CYP46A1: variants seen among roughly 807,000 people sequenced by gnomAD.
CYP46A1 encodes cytochrome P450 family 46 subfamily A member 1.
In CYP46A1, 20 loss-of-function variants were observed where a neutral mutation model predicts 63.3. That is an observed-to-expected ratio of 0.32 (90% confidence interval 0.22 to 0.46). The LOEUF is 0.46. Ranked by LOEUF, CYP46A1 falls within the 20% of genes least tolerant of loss-of-function variation. The pLI, the probability that CYP46A1 is intolerant of heterozygous loss-of-function variation, is 1.00. For synonymous variants in CYP46A1, 268 were observed against 273.6 expected (o/e 0.98, Z 0.20); for missense variants, 445 against 670.8 (o/e 0.66, Z 3.72).
intron 4 of CYP46A1, 46 bp from the exon 5 acceptor site, chr14:99,699,969 C>A (rs749966702): frequency 9.2e-6 from 4 of 435,244 alleles, no homozygotes; most frequent in Admixed American, 3.3e-5. Flanking sequence ...GCAGTCGCTC[C>A]CCACCCCCCA....
At chr14:99,700,690 G>A (rs750916468) in intron 5 of CYP46A1, among the ~76,000 whole-genome samples, 3 of 152,342 alleles carry the variant, frequency 2.0e-5, no homozygotes, top group East Asian at 1.9e-4. Flanking sequence ...TGGACAGTAC[G>A]TAATATTGAT....
intron 3 of CYP46A1, among the ~76,000 whole-genome samples, chr14:99,695,177 T>C (rs1045509087): frequency 6.6e-6 from 1 of 152,242 alleles, no homozygotes; most frequent in African/African-American, 2.4e-5. Context: ...TTCAGTCCTT[T>C]TAAATTAATT....
At chr14:99,697,374 C>A (rs751739865) in intron 3 of CYP46A1, among the ~76,000 whole-genome samples, 1 of 152,172 alleles carries the variant, frequency 6.6e-6, no homozygotes, top group Non-Finnish European at 1.5e-5. Flanking sequence ...CTCCCTGGTA[C>A]TTTGTCCTAC....
chr14:99,696,076 A>G (rs1321037507), intron 3 of CYP46A1, among the ~76,000 whole-genome samples: 1 of 152,150 alleles, frequency 6.6e-6, no homozygotes, highest in Non-Finnish European at 1.5e-5. Flanking sequence ...CAGTCTGACA[A>G]TCTCTGCCTT....
chr14:99,721,843 G>T, intron 11 of CYP46A1, 113 bp from the exon 12 acceptor site: 3 of 769,378 alleles, frequency 3.9e-6, no homozygotes, highest in Non-Finnish European at 6.6e-6. Flanking sequence ...CAGGGTGAGG[G>T]TATGCACTCA....
chr14:99,709,693 C>T (rs2056712112), intron 7 of CYP46A1: 2 of 152,102 alleles, frequency 1.3e-5, no homozygotes, highest in Non-Finnish European at 2.9e-5. Flanking sequence ...ATATAGAGAT[C>T]CAGGTATAGT....
chr14:99,710,088 G>C (rs2056716027), intron 7 of CYP46A1: 5 of 152,156 alleles, frequency 3.3e-5, no homozygotes, highest in Admixed American at 3.3e-4. Context: ...AGGGAATTCT[G>C]CATCTGGAAG....
At chr14:99,697,540 T>C (rs2056596865) in intron 3 of CYP46A1, among the ~76,000 whole-genome samples, 1 of 152,210 alleles carries the variant, frequency 6.6e-6, no homozygotes, top group Non-Finnish European at 1.5e-5. Context: ...AGGTCTCACA[T>C]TTTTCCCCTC....
chr14:99,724,622 T>TG lies in CYP46A1; in HGVS notation c.1177-763dup, dbSNP rs77306439. On this transcript the variant is annotated intron_variant, in intron 12 of 14. Coordinates refer to ENST00000261835, the MANE Select transcript of CYP46A1 (RefSeq NM_006668.2). ...GGCCTTCGGCTTCCTCTTTGTTAGGTGGGGGGAGTGGTGAGCATCAGTAGG... is the reference window on the plus strand; with the variant it reads ...GGCCTTCGGCTTCCTCTTTGTTAGGTGGGGGGGAGTGGTGAGCATCAGTAGG... 7.7e-3 allele frequency among the ~76,000 whole-genome samples: 1,171 copies of TG among 152,132 alleles called. 92 individuals are homozygous for TG. In the East Asian group the frequency reaches 0.18, roughly 24 times the overall value.
chr14:99,693,460 T>G (rs1180903209), intron 3 of CYP46A1, among the ~76,000 whole-genome samples: 1 of 152,252 alleles, frequency 6.6e-6, no homozygotes, highest in South Asian at 2.1e-4. Context: ...TTGATTGATA[T>G]TCAAATGTTA....
intron 14 of CYP46A1, 37 bp from the exon 15 acceptor site, chr14:99,726,520 T>C: frequency 1.3e-6 from 2 of 1,515,168 alleles, no homozygotes; most frequent in Non-Finnish European, 1.8e-6. Context: ...CTGTCTTTGC[T>C]CCTTCATTCC....
In CYP46A1 at chr14:99,721,249, G is replaced by A; in HGVS notation, c.991G>A (p.Glu331Lys). Residue 331 changes from glutamate to lysine, a missense_variant, in exon 11 of 15, where the codon GAG (glutamate) becomes AAG (lysine). Glu to Lys is a moderately conservative substitution (Grantham distance 56). Around this residue, in one of 4 missense-constraint regions of CYP46A1, gnomAD observed 95 missense variants for 156.9 expected, o/e 0.61. Transcript: ENST00000261835. ...QPEIVARLQAEVDEVIGSKRY... is the reference protein window; with the variant it reads ...QPEIVARLQAKVDEVIGSKRY... ...TGTCTTACCCCACAGGCTGCAGGCC[G>A]AGGTGGATGAGGTCATTGGTTCTAA... 3 of 1,613,894 alleles carry A rather than the reference G, an allele frequency of 1.9e-6. No individual in the cohort carries two copies. Among genetic ancestry groups the A allele is most frequent in the Non-Finnish European group, 2.5e-6 (3 of 1,179,766 alleles).
chr14:99,700,696 T>C (rs953982869), intron 5 of CYP46A1, among the ~76,000 whole-genome samples: 2 of 152,212 alleles, frequency 1.3e-5, no homozygotes, highest in Admixed American at 1.3e-4. Context: ...GTACGTAATA[T>C]TGATAAATGA....
At chr14:99,691,334 C>T (rs541933609) in intron 2 of CYP46A1, 173 bp downstream of exon 2, 3 of 649,826 alleles carry the variant, frequency 4.6e-6, no homozygotes, top group East Asian at 2.7e-5. Context: ...GGAAGCCATG[C>T]TCTGCCATTC....
intron 1 of CYP46A1, among the ~76,000 whole-genome samples, chr14:99,687,556 C>A (rs1294604302): frequency 6.6e-6 from 1 of 152,164 alleles, no homozygotes; most frequent in Non-Finnish European, 1.5e-5. Context: ...TGGTCCCTCA[C>A]CCTCACGCCT....
intron 1 of CYP46A1, among the ~76,000 whole-genome samples, chr14:99,687,992 C>T (rs28641533): frequency 3.8e-5 from 4 of 105,266 alleles, no homozygotes; most frequent in South Asian, 6.4e-4. Flanking sequence ...GGTTTTTTTT[C>T]CCCTTTCTTG....
rs776775506 is a variant in CYP46A1 at position 99,715,829 on chromosome 14, A to T, written c.713A>T (p.Lys238Met). Residue 238 changes from lysine to methionine, a missense_variant, in exon 8 of 15, where the codon AAG becomes ATG. By Grantham distance (95) the Lys-to-Met change is moderately conservative. This residue lies in a region of CYP46A1 where 252 missense variants were observed against 383.3 expected (regional missense o/e 0.66). Transcript: ENST00000261835. ...GTTTAGTTCCTGCCAGGGAAGAGGA[A>T]GCAGCTCCGGGAGGTCCGGGAGAGC... The part of the protein sequence containing the change: ...TLAKFLPGKR[K>M]QLREVRESIR... 1 of 1,614,168 alleles carries T rather than the reference A, an allele frequency of 6.2e-7. No homozygotes were observed. The highest frequency in any genetic ancestry group is 1.1e-5 in the South Asian group (1 of 91,084).
intron 3 of CYP46A1, among the ~76,000 whole-genome samples, chr14:99,697,769 G>A (rs1297979112): frequency 6.6e-6 from 1 of 152,154 alleles, no homozygotes; most frequent in Admixed American, 6.5e-5. Context: ...CATAGTTTAT[G>A]TCACCAGGCC....
At chr14:99,693,144 T>A (rs2056557993) in intron 3 of CYP46A1, 1 of 152,644 alleles carries the variant, frequency 6.6e-6, no homozygotes, top group Non-Finnish European at 1.5e-5. Flanking sequence ...CAATGATGCA[T>A]TTTTTTTCTT....
Sources: allele counts gnomAD v4.1 joint callset (sites outside exome capture counted in the v4.1 genomes callset), GRCh38; gene constraint gnomAD v4.1.1; regional missense constraint gnomAD v4.1.1; transcripts MANE v1.5; gene names NCBI Gene and HGNC (gene_info 2026-07-23, HGNC 2026-07-21).